The following PDCD10 variants were observed in gnomAD, a reference collection of about 807,000 sequenced individuals.
PDCD10 encodes the protein programmed cell death 10.
A neutral mutation model predicts 29.2 loss-of-function variants in PDCD10; 4 were observed. The observed-to-expected ratio is 0.14, with a 90% confidence interval of 0.07 to 0.31. PDCD10 has a LOEUF of 0.31. Among genes scored for constraint, PDCD10 ranks in the 10% least tolerant of loss-of-function variants. The pLI, the probability that PDCD10 is intolerant of heterozygous loss-of-function variation, is 1.00. For missense variants in PDCD10, 183 were observed against 257.9 expected (o/e 0.71, Z 1.99); for synonymous variants, 70 against 82.2 (o/e 0.85, Z 0.80).
chr3:167,731,041 A>G (rs1306721726), intron 2 of PDCD10: 1 of 152,158 alleles, frequency 6.6e-6, no homozygotes, highest in Non-Finnish European at 1.5e-5. Context: ...ACGGAGATAG[A>G]TCCAGATTCT....
At chr3:167,720,910 G>C (rs1305877162) in intron 2 of PDCD10, among the ~76,000 whole-genome samples, 1 of 151,862 alleles carries the variant, frequency 6.6e-6, no homozygotes, top group Non-Finnish European at 1.5e-5. Context: ...GTATTTAGAA[G>C]AACTACAGAA....
At chr3:167,696,176 A>C (rs1050574836) in intron 5 of PDCD10, among the ~76,000 whole-genome samples, 18 of 152,186 alleles carry the variant, frequency 1.2e-4, no homozygotes, top group Non-Finnish European at 2.2e-4. Context: ...TTGCTTCATC[A>C]TATTAAAACC....
At chr3:167,712,615 T>G (rs996412011) in intron 3 of PDCD10, among the ~76,000 whole-genome samples, 1 of 151,970 alleles carries the variant, frequency 6.6e-6, no homozygotes, top group African/African-American at 2.4e-5. Context: ...AAGTCCTTAC[T>G]TATCAATAAT....
intron 3 of PDCD10, among the ~76,000 whole-genome samples, chr3:167,715,804 G>A (rs940067365): frequency 6.6e-6 from 1 of 151,952 alleles, no homozygotes; most frequent in African/African-American, 2.4e-5. Flanking sequence ...CCCTGGTATA[G>A]TGTTGGCTGG....
intron 5 of PDCD10, 139 bp downstream of exon 5, chr3:167,696,870 C>A: frequency 1.4e-6 from 1 of 718,460 alleles, no homozygotes; most frequent in Non-Finnish European, 2.6e-6. Context: ...ACTATCACCA[C>A]CACCACCATC....
chr3:167,701,279 C>A (rs1050785183), intron 4 of PDCD10, among the ~76,000 whole-genome samples: 10 of 151,966 alleles, frequency 6.6e-5, no homozygotes, highest in Non-Finnish European at 1.5e-4. Context: ...ATAGCTAGAT[C>A]TACAGATATC....
chr3:167,716,630 A>C (rs1577360444), intron 3 of PDCD10, among the ~76,000 whole-genome samples: 1 of 151,890 alleles, frequency 6.6e-6, no homozygotes, highest in South Asian at 2.1e-4. Flanking sequence ...AACGTTGGAG[A>C]GGTATTCCAG....
intron 3 of PDCD10, among the ~76,000 whole-genome samples, chr3:167,710,339 GA>G (rs1338042425): frequency 6.6e-6 from 1 of 152,180 alleles, no homozygotes; most frequent in Non-Finnish European, 1.5e-5. Context: ...TTGTCCTGAA[GA>G]GTGAAGCTCA....
intron 3 of PDCD10, among the ~76,000 whole-genome samples, chr3:167,714,027 G>A (rs769958680): frequency 1.3e-5 from 2 of 151,880 alleles, no homozygotes; most frequent in African/African-American, 4.8e-5. Context: ...AGAGGAGGCG[G>A]GAATACTTCC....
At chr3:167,718,312 G>C (rs1277918395) in intron 3 of PDCD10, among the ~76,000 whole-genome samples, 3 of 151,952 alleles carry the variant, frequency 2.0e-5, no homozygotes, top group Non-Finnish European at 4.4e-5. Context: ...AAACCAATGG[G>C]TGGCATTCAG....
rs777634962 is a variant in PDCD10 at position 167,697,003 on chromosome 3, C to T, written c.268+6G>A. 5.1e-5 allele frequency: 71 copies of T among 1,394,452 alleles called. No homozygotes were observed. The Middle Eastern group carries it at 1.2e-3, about 24-fold the overall frequency. The allele number at this position is 1,394,452 out of a possible 1,614,324, so 86.4% of individuals were successfully genotyped here. On this transcript the variant is annotated splice_donor_region_variant and intron_variant, in intron 5 of 8. Coordinates refer to ENST00000392750, the MANE Select transcript of PDCD10 (RefSeq NM_007217.4). ...ATAACTTAAACAAGGTTCTTCTGTCCGTTACCTTCTACATCATCAGCTGCC... is the reference window on the plus strand; with the variant it reads ...ATAACTTAAACAAGGTTCTTCTGTCTGTTACCTTCTACATCATCAGCTGCC...
At position 167,732,371 on chromosome 3, in the gene PDCD10, T is replaced by C. The variant is rs1724911019; in HGVS notation, c.-117+1843A>G. On this transcript the variant is annotated intron_variant, in intron 2 of 8. Transcript: ENST00000392750. Reference sequence around the variant, plus strand: ...TATACGGAAGACATCCCAAGTCCTCTAAGAAATAATGTCCAAAAGCTGACA... The same window carrying C: ...TATACGGAAGACATCCCAAGTCCTCCAAGAAATAATGTCCAAAAGCTGACA... 2.0e-5 allele frequency among the ~76,000 whole-genome samples: 3 copies of C among 152,148 alleles called. No homozygotes were observed. In the South Asian group the frequency reaches 6.2e-4, roughly 32 times the overall value.
intron 2 of PDCD10, among the ~76,000 whole-genome samples, chr3:167,728,960 C>T (rs921247354): frequency 1.3e-5 from 2 of 152,130 alleles, no homozygotes; most frequent in African/African-American, 2.4e-5. Context: ...ACATGGTGAA[C>T]ATTTGTTTGA....
At chr3:167,727,714 C>T (rs1724356739) in intron 2 of PDCD10, among the ~76,000 whole-genome samples, 1 of 152,088 alleles carries the variant, frequency 6.6e-6, no homozygotes, top group African/African-American at 2.4e-5. Context: ...GAATCTGTAC[C>T]ACCCTGGATC....
chr3:167,695,779 C>T (rs1293154913), intron 5 of PDCD10, 57 bp from the exon 6 acceptor site: 14 of 1,551,414 alleles, frequency 9.0e-6, no homozygotes, highest in Non-Finnish European at 1.2e-5. Context: ...AAATTCATCA[C>T]ATCTAAGAAT....
intron 2 of PDCD10, chr3:167,725,309 GA>G (rs1222556287): frequency 2.1e-5 from 3 of 142,746 alleles, no homozygotes; most frequent in African/African-American, 7.7e-5. Flanking sequence ...AACTCTTAGA[GA>G]AAATGGATTT....
intron 3 of PDCD10, among the ~76,000 whole-genome samples, chr3:167,707,062 C>T (rs2108444291): frequency 6.6e-6 from 1 of 152,310 alleles, no homozygotes; most frequent in African/African-American, 2.4e-5. Context: ...TTCTTGAGTT[C>T]CTACCATGTA....
At chr3:167,701,310 G>GAT (rs1016983537) in intron 4 of PDCD10, among the ~76,000 whole-genome samples, 7 of 152,000 alleles carry the variant, frequency 4.6e-5, no homozygotes, top group East Asian at 3.9e-4. Flanking sequence ...TGAGATATCA[G>GAT]ATATATATAT....
intron 4 of PDCD10, among the ~76,000 whole-genome samples, chr3:167,703,032 A>T (rs766892039): frequency 2.0e-5 from 3 of 152,156 alleles, no homozygotes; most frequent in Non-Finnish European, 4.4e-5. Context: ...ACCCTCAGGA[A>T]ATTTATTATT....
Sources: allele counts gnomAD v4.1 joint callset (sites outside exome capture counted in the v4.1 genomes callset), GRCh38; gene constraint gnomAD v4.1.1; transcripts MANE v1.5; gene names NCBI Gene and HGNC (gene_info 2026-07-23, HGNC 2026-07-21).